Variants in RSPO4 observed in about 807,000 individuals in gnomAD.
RSPO4 encodes R-spondin-4.
Under a neutral mutation model 24.8 loss-of-function variants are expected in RSPO4, and 23 were observed. The ratio of observed to expected loss-of-function variants is 0.93; its 90% confidence interval spans 0.67 to 1.31. RSPO4 has a LOEUF of 1.31. RSPO4 is among the 40% of genes most tolerant of loss of function. The pLI is 0.00. For missense variants in RSPO4, 333 were observed against 316.5 expected (o/e 1.05, Z -0.39); for synonymous variants, 141 against 127.4 (o/e 1.11, Z -0.72).
At chr20:996,684 T>C (rs936002290) in intron 1 of RSPO4, among the ~76,000 whole-genome samples, 7 of 152,204 alleles carry the variant, frequency 4.6e-5, no homozygotes, top group Non-Finnish European at 1.0e-4. Flanking sequence ...GCTGTCCTTT[T>C]CAATACCCAG....
chr20:983,494 C>G (rs1353933014), intron 1 of RSPO4, among the ~76,000 whole-genome samples: 1 of 152,162 alleles, frequency 6.6e-6, no homozygotes, highest in African/African-American at 2.4e-5. Flanking sequence ...CCTTTGCCTA[C>G]TTCTAGAGGC....
chr20:973,921 A>T (rs1240956075), intron 1 of RSPO4, among the ~76,000 whole-genome samples: 1 of 152,030 alleles, frequency 6.6e-6, no homozygotes, highest in Non-Finnish European at 1.5e-5. Context: ...CTATGTTGTA[A>T]TGGCACCTCT....
At position 967,229 on chromosome 20, in the gene RSPO4, A is replaced by T; in HGVS notation, c.354T>A (p.Cys118Ter). ...KRQFYLYKGK[C>*]LPTCPPGTLA... is the part of the protein sequence containing the mutation. ...AAGTGCCCGGCGGGCAGGTGGGCAG[A>T]CACTTCCCCTTGTACAAGTAAAACT... Residue 118 changes from cysteine (C) to a stop codon, truncating the protein, a stop_gained, in exon 3 of 5, where the codon TGT becomes TGA. Transcript: ENST00000217260. LOFTEE classifies it high-confidence loss of function. 6.2e-7 allele frequency: 1 copy of T among 1,614,196 alleles called. No homozygotes were observed. Among genetic ancestry groups the T allele is most frequent in the Non-Finnish European group, 8.5e-7 (1 of 1,180,022 alleles).
rs373998656 is a variant in RSPO4 at position 1,002,064 on chromosome 20, C to T, written c.79+22G>A. 188 of 1,544,770 alleles carry T rather than the reference C, an allele frequency of 1.2e-4. 1 individual carries two copies. Among genetic ancestry groups the T allele is most frequent in the Non-Finnish European group, 1.6e-4 (184 of 1,142,990 alleles). On this transcript the variant is annotated intron_variant, in intron 1 of 4. Coordinates refer to ENST00000217260, the MANE Select transcript of RSPO4 (RefSeq NM_001029871.4). This position sits in a 1 kb window ranked among gnomAD's most constrained non-coding sequence, Gnocchi z 4.6. ...TGCCCCGCAGCGCCTGCCCGGCCGCCCTGCCCAGCCACCCCTTGTACCTTG... is the reference window on the plus strand; with the variant it reads ...TGCCCCGCAGCGCCTGCCCGGCCGCTCTGCCCAGCCACCCCTTGTACCTTG...
chr20:990,596 G>A (rs1178376503), intron 1 of RSPO4, among the ~76,000 whole-genome samples: 1 of 150,750 alleles, frequency 6.6e-6, no homozygotes, highest in Non-Finnish European at 1.5e-5. Context: ...CTCTTCCTGG[G>A]GTGGGGAGTT....
Position 972,642 on chromosome 20 carries a change from C to T in RSPO4, c.80-4504G>A, listed in dbSNP as rs1164694964. 2.0e-5 allele frequency among the ~76,000 whole-genome samples: 3 copies of T among 152,316 alleles called. No individual in the cohort carries two copies. The East Asian group carries it at 5.8e-4, about 29-fold the overall frequency. On this transcript the variant is annotated intron_variant, in intron 1 of 4. Coordinates refer to ENST00000217260, the MANE Select transcript of RSPO4 (RefSeq NM_001029871.4). Reference sequence around the variant, plus strand: ...GCTGTATTAACCCAGGGCTGCCCACCGCCGAGATTCTTTCCTGGGGAAGGG... The same window carrying T: ...GCTGTATTAACCCAGGGCTGCCCACTGCCGAGATTCTTTCCTGGGGAAGGG...
Position 963,971 on chromosome 20 carries a change from A to G in RSPO4, c.559T>C (p.Ser187Pro). ...GGCCTCTGGATGGGACATTTCCTTGACTCAGAAAGCACCTGGCAGGTGGCT... is the reference window on the plus strand; with the variant it reads ...GGCCTCTGGATGGGACATTTCCTTGGCTCAGAAAGCACCTGGCAGGTGGCT... ...EAATCQVLSESRKCPIQRPCP... is the reference protein window; with the variant it reads ...EAATCQVLSEPRKCPIQRPCP... Residue 187 changes from serine to proline, a missense_variant, in exon 4 of 5, where the codon TCA (serine) becomes CCA (proline). Physicochemically the swap from Ser to Pro is moderately conservative, Grantham distance 74. Coordinates refer to ENST00000217260, the MANE Select transcript of RSPO4 (RefSeq NM_001029871.4). The G allele has an allele frequency of 6.2e-7, 1 of 1,613,796 alleles. No homozygotes were observed. The highest frequency in any genetic ancestry group is 8.5e-7 in the Non-Finnish European group (1 of 1,179,964).
At chr20:962,316 G>T (rs1486834170) in intron 4 of RSPO4, among the ~76,000 whole-genome samples, 1 of 152,212 alleles carries the variant, frequency 6.6e-6, no homozygotes, top group African/African-American at 2.4e-5. Flanking sequence ...CCAAGACCTG[G>T]GTGATGCAGG....
chr20:997,755 T>C (rs1368085417), intron 1 of RSPO4, among the ~76,000 whole-genome samples: 1 of 152,192 alleles, frequency 6.6e-6, no homozygotes, highest in Non-Finnish European at 1.5e-5. Context: ...AAGCATCATA[T>C]TCACTCCACA....
intron 1 of RSPO4, among the ~76,000 whole-genome samples, chr20:987,830 A>C (rs1359577940): frequency 6.6e-6 from 1 of 152,198 alleles, no homozygotes; most frequent in African/African-American, 2.4e-5. Flanking sequence ...TCACCCACCC[A>C]CTGAAAAGCT....
intron 1 of RSPO4, among the ~76,000 whole-genome samples, chr20:979,977 C>G (rs1447706756): frequency 6.6e-6 from 1 of 152,148 alleles, no homozygotes; most frequent in East Asian, 1.9e-4. Context: ...TCCAGGAAGG[C>G]AGGGATGAGC....
chr20:968,133 T>G lies in RSPO4; in HGVS notation c.85A>C (p.Thr29Pro). The change falls in exon 2 of 5, where the codon ACT becomes CCT. Residue 29 changes from threonine to proline, a missense_variant. Transcript: ENST00000217260. ...CCTGTGCAGTTGCCCCCCAGGCCAG[T>G]GCCCACTGCCCACAAGACCAGGGCA... ...ALNRRKKQVG[T>P]GLGGNCTGCI... 2 of 1,613,850 alleles carry G rather than the reference T, an allele frequency of 1.2e-6. No homozygotes were observed. Among genetic ancestry groups the G allele is most frequent in the Non-Finnish European group, 1.7e-6 (2 of 1,179,928 alleles).
intron 3 of RSPO4, among the ~76,000 whole-genome samples, chr20:966,506 G>A (rs755498804): frequency 1.3e-5 from 2 of 151,608 alleles, no homozygotes; most frequent in Non-Finnish European, 2.9e-5. Context: ...GAGGTGGTTT[G>A]CTTAAGATCA....
At position 962,594 on chromosome 20, in the gene RSPO4, C is replaced by T. The variant is rs1447501865; in HGVS notation, c.595+1341G>A. ...TGGGGTCTCTTAGGTTCTCTGGTTC[C>T]ACCTCAACCTCACTCTGTCCTCACC... On this transcript the variant is annotated intron_variant, in intron 4 of 4. Transcript: ENST00000217260. 5.9e-5 allele frequency among the ~76,000 whole-genome samples: 9 copies of T among 152,192 alleles called. No individual in the cohort carries two copies. The South Asian group carries it at 6.2e-4, about 11-fold the overall frequency.
At chr20:988,045 G>T (rs1984976179) in intron 1 of RSPO4, among the ~76,000 whole-genome samples, 1 of 152,246 alleles carries the variant, frequency 6.6e-6, no homozygotes, top group Non-Finnish European at 1.5e-5. Context: ...GCCTGGAAGG[G>T]CATCTCTGAG....
Position 967,169 on chromosome 20 carries a change from C to T in RSPO4, c.409+5G>A. 1.2e-6 allele frequency: 2 copies of T among 1,613,090 alleles called. No homozygotes were observed. The highest frequency in any genetic ancestry group is 1.7e-6 in the Non-Finnish European group (2 of 1,179,724). ...CAGGGGCAGGGCGGGGAGGTCCCCA[C>T]TCACCCTGGCACTCCCGTGTGTTCT... On this transcript the variant is annotated splice_donor_5th_base_variant and intron_variant, in intron 3 of 4. Transcript: ENST00000217260.
chr20:999,922 G>A (rs966717445), intron 1 of RSPO4, among the ~76,000 whole-genome samples: 19 of 152,046 alleles, frequency 1.2e-4, no homozygotes, highest in Non-Finnish European at 2.6e-4. Flanking sequence ...AGGCTGGAGT[G>A]CAGTGGCATG....
intron 1 of RSPO4, among the ~76,000 whole-genome samples, chr20:985,343 T>G (rs2122248557): frequency 6.6e-6 from 1 of 150,994 alleles, no homozygotes; most frequent in East Asian, 2.0e-4. Context: ...CAACCATCTA[T>G]CCGTCCATCC....
intron 1 of RSPO4, among the ~76,000 whole-genome samples, chr20:986,854 A>G (rs1378471377): frequency 6.6e-6 from 1 of 152,232 alleles, no homozygotes; most frequent in Non-Finnish European, 1.5e-5. Context: ...AGGAATTTAA[A>G]AAAGAAAGAC....
Sources: allele counts gnomAD v4.1 joint callset (sites outside exome capture counted in the v4.1 genomes callset), GRCh38; gene constraint gnomAD v4.1.1; non-coding constraint Gnocchi (gnomAD v3.1); transcripts MANE v1.5; gene names NCBI Gene and HGNC (gene_info 2026-07-23, HGNC 2026-07-21).